APBB1IP: variants seen among roughly 807,000 people sequenced by gnomAD.
The protein encoded by APBB1IP is amyloid beta A4 precursor protein-binding family B member 1-interacting protein.
A neutral mutation model predicts 64.9 loss-of-function variants in APBB1IP; 27 were observed. That is an observed-to-expected ratio of 0.42 (90% CI 0.31 to 0.57). APBB1IP has a LOEUF of 0.57. APBB1IP is among the 20% of genes least tolerant of loss of function. The pLI, the probability that APBB1IP is intolerant of heterozygous loss-of-function variation, is 0.20. For missense variants in APBB1IP, 812 were observed against 845.5 expected (o/e 0.96, Z 0.49); for synonymous variants, 392 against 331.0 (o/e 1.18, Z -2.00).
chr10:26,444,830 G>T (rs1239360675), intron 2 of APBB1IP, among the ~76,000 whole-genome samples: 1 of 152,144 alleles, frequency 6.6e-6, no homozygotes, highest in Non-Finnish European at 1.5e-5. Flanking sequence ...GCTGCGTGGT[G>T]GCTCACGCCT....
intron 4 of APBB1IP, among the ~76,000 whole-genome samples, chr10:26,497,587 A>T (rs1027601447): frequency 1.3e-5 from 2 of 151,998 alleles, no homozygotes; most frequent in Non-Finnish European, 2.9e-5. Context: ...CTTTCAAATT[A>T]GTGAGAACTC....
rs572341020 is a variant in APBB1IP at position 26,511,743 on chromosome 10, T to C, written c.532-4T>C. The C allele has an allele frequency of 6.2e-7, 1 of 1,614,136 alleles. No individual in the cohort carries two copies. Among genetic ancestry groups the C allele is most frequent in the African/African-American group, 1.3e-5 (1 of 75,064 alleles). On this transcript the variant is annotated splice_polypyrimidine_tract_variant and splice_region_variant and intron_variant, in intron 6 of 14. Coordinates refer to ENST00000376236, the MANE Select transcript of APBB1IP (RefSeq NM_019043.4). Reference sequence around the variant, plus strand: ...TACTGGCTGCCCCATGGTTCTATCCTCAGCTCGTCGTCAAGGTGCACATGA... The same window carrying C: ...TACTGGCTGCCCCATGGTTCTATCCCCAGCTCGTCGTCAAGGTGCACATGA...
At chr10:26,498,022 C>A (rs547968087) in intron 4 of APBB1IP, among the ~76,000 whole-genome samples, 5 of 152,010 alleles carry the variant, frequency 3.3e-5, no homozygotes, top group Admixed American at 2.6e-4. Flanking sequence ...CCATGGCACC[C>A]GACCAGGATT....
chr10:26,520,836 C>T (rs1269162471), intron 8 of APBB1IP, among the ~76,000 whole-genome samples: 1 of 152,164 alleles, frequency 6.6e-6, no homozygotes, highest in African/African-American at 2.4e-5. Context: ...AACCACTTGC[C>T]ACATTGTGAA....
At chr10:26,494,321 A>G (rs530947320) in intron 3 of APBB1IP, among the ~76,000 whole-genome samples, 9 of 152,218 alleles carry the variant, frequency 5.9e-5, no homozygotes, top group Non-Finnish European at 1.3e-4. Context: ...CCACTAAGCC[A>G]GGTTACAGTC....
rs7076457 is a variant in APBB1IP at position 26,526,643 on chromosome 10, C to T, written c.814-6796C>T. 4.2e-3 allele frequency among the ~76,000 whole-genome samples: 641 copies of T among 152,084 alleles called. 5 individuals are homozygous for T. Among genetic ancestry groups the T allele is most frequent in the African/African-American group, 0.014 (601 of 41,474 alleles). ...CTGAGGCAGGAGAATCGCTTGAACC[C>T]GGGAGGCGGAAGTTGCGGTGAGCCG... On this transcript the variant is annotated intron_variant, in intron 8 of 14. Transcript: ENST00000376236.
intron 2 of APBB1IP, among the ~76,000 whole-genome samples, chr10:26,452,769 A>G (rs538900070): frequency 9.2e-5 from 14 of 152,254 alleles, no homozygotes; most frequent in Non-Finnish European, 1.8e-4. Context: ...TGAACAGGTC[A>G]CCTAAATAGT....
At chr10:26,487,417 T>C (rs1236440354) in intron 2 of APBB1IP, among the ~76,000 whole-genome samples, 1 of 152,210 alleles carries the variant, frequency 6.6e-6, no homozygotes. Flanking sequence ...TTAATAATTT[T>C]TGTTAACAAA....
At chr10:26,450,709 CACTGAGT>C (rs1835456246) in intron 2 of APBB1IP, among the ~76,000 whole-genome samples, 2 of 83,566 alleles carry the variant, frequency 2.4e-5, no homozygotes, top group African/African-American at 9.1e-5. Flanking sequence ...TTTTTTTTGA[CACTGAGT>C]ACTGAGTCTC....
intron 2 of APBB1IP, among the ~76,000 whole-genome samples, chr10:26,483,118 C>T (rs981641177): frequency 9.0e-6 from 1 of 111,406 alleles, no homozygotes; most frequent in Non-Finnish European, 1.9e-5. Context: ...AAAAAAAAAG[C>T]AGTCAATACT....
At chr10:26,458,216 C>T (rs867405238) in intron 2 of APBB1IP, among the ~76,000 whole-genome samples, 1 of 152,160 alleles carries the variant, frequency 6.6e-6, no homozygotes, top group African/African-American at 2.4e-5. Flanking sequence ...GGTGAAACCG[C>T]GTCTCTATTG....
At chr10:26,446,327 G>A (rs1835397962) in intron 2 of APBB1IP, among the ~76,000 whole-genome samples, 2 of 152,128 alleles carry the variant, frequency 1.3e-5, no homozygotes, top group East Asian at 3.8e-4. Context: ...GCTTCCTTCT[G>A]ATTAAATTTC....
At chr10:26,500,796 A>T (rs763874377) in intron 4 of APBB1IP, 23 bp from the exon 5 acceptor site, 3 of 1,593,022 alleles carry the variant, frequency 1.9e-6, no homozygotes, top group Non-Finnish European at 2.6e-6. Flanking sequence ...TTTTTATACC[A>T]TTAATGTGAT....
At chr10:26,456,737 T>TA (rs9299824) in intron 2 of APBB1IP, among the ~76,000 whole-genome samples, 8 of 90,670 alleles carry the variant, frequency 8.8e-5, no homozygotes, top group African/African-American at 3.3e-4. Context: ...AGAACCTGTC[T>TA]AAAAAAAAAA....
At chr10:26,459,727 C>T (rs1007841379) in intron 2 of APBB1IP, among the ~76,000 whole-genome samples, 3 of 151,748 alleles carry the variant, frequency 2.0e-5, no homozygotes, top group Non-Finnish European at 2.9e-5. Flanking sequence ...TTGTTTTAGC[C>T]CTTATTTTTC....
chr10:26,471,722 G>C (rs1402425028), intron 2 of APBB1IP, among the ~76,000 whole-genome samples: 1 of 151,888 alleles, frequency 6.6e-6, no homozygotes, highest in Non-Finnish European at 1.5e-5. Flanking sequence ...GTCTTGCTCT[G>C]TCGCCAGGCT....
chr10:26,529,032 T>G (rs1258205557), intron 8 of APBB1IP, among the ~76,000 whole-genome samples: 1 of 152,240 alleles, frequency 6.6e-6, no homozygotes, highest in African/African-American at 2.4e-5. Flanking sequence ...TACTCTTTAT[T>G]CCAAGAAGAT....
At chr10:26,473,438 A>G (rs1286604372) in intron 2 of APBB1IP, among the ~76,000 whole-genome samples, 1 of 152,198 alleles carries the variant, frequency 6.6e-6, no homozygotes, top group Non-Finnish European at 1.5e-5. Flanking sequence ...TAAATGGTAT[A>G]ATAACTGCAT....
chr10:26,443,591 G>A (rs1273428993), intron 2 of APBB1IP, among the ~76,000 whole-genome samples: 1 of 151,980 alleles, frequency 6.6e-6, no homozygotes, highest in African/African-American at 2.4e-5. Flanking sequence ...CTGGAGTGCA[G>A]CAGCACAATT....
Sources: gnomAD v4.1 joint callset for allele counts (sites outside exome capture counted in the v4.1 genomes callset) on GRCh38, gnomAD v4.1.1 for gene constraint, MANE v1.5 for transcripts, NCBI Gene and HGNC (gene_info 2026-07-23, HGNC 2026-07-21) for gene names.